Variants in FRAS1 observed in about 807,000 individuals in gnomAD.
FRAS1 encodes extracellular matrix organizing protein FRAS1.
A neutral mutation model predicts 435.2 loss-of-function variants in FRAS1; 290 were observed. The observed-to-expected ratio is 0.67, with a 90% CI of 0.61 to 0.73. The LOEUF (loss-of-function observed/expected upper bound fraction) is 0.73, where lower values mean the gene tolerates loss of function less well. Among genes scored for constraint, FRAS1 ranks in the 30% least tolerant of loss-of-function variants. The probability of loss-of-function intolerance (pLI) is 0.00; values close to 1 mark genes in which losing one functional copy is unlikely to be tolerated. For missense variants in FRAS1, 4,860 were observed against 5,001.5 expected (o/e 0.97, Z 0.85); for synonymous variants, 1,800 against 1,851.0 (o/e 0.97, Z 0.71).
At chr4:78,059,174 G>C (rs1301947974) in intron 1 of FRAS1, among the ~76,000 whole-genome samples, 3 of 152,180 alleles carry the variant, frequency 2.0e-5, no homozygotes, top group Non-Finnish European at 2.9e-5. Context: ...GAAGGGGCGC[G>C]GGGCGGCTCC....
At chr4:78,153,401 T>A (rs1720755970) in intron 2 of FRAS1, among the ~76,000 whole-genome samples, 1 of 152,170 alleles carries the variant, frequency 6.6e-6, no homozygotes, top group African/African-American at 2.4e-5. Context: ...CTTCTGAAAC[T>A]AACAAGATTT....
chr4:78,534,969 A>G (rs1439052791), intron 71 of FRAS1, among the ~76,000 whole-genome samples: 1 of 152,198 alleles, frequency 6.6e-6, no homozygotes. Context: ...AACGATGCCA[A>G]ACATGTGTGT....
At position 78,534,603 on chromosome 4, in the gene FRAS1, G is replaced by A. The variant is rs1281640393; in HGVS notation, c.11080G>A (p.Ala3694Thr). Reference sequence around the variant, plus strand: ...ACTAGCAGAAATGGATTACAAAGGAGCCTTTTCAAAAGGTGAGTTGCTTCC... The same window carrying A: ...ACTAGCAGAAATGGATTACAAAGGAACCTTTTCAAAAGGTGAGTTGCTTCC... ...MSLAEMDYKGAFSKGQILYGR... is the reference protein window; with the variant it reads ...MSLAEMDYKGTFSKGQILYGR... The change falls in exon 71 of 74, where the codon GCC becomes ACC. Residue 3694 changes from alanine to threonine, a missense_variant. Ala to Thr is a moderately conservative substitution (Grantham distance 58, BLOSUM62 0). Transcript: ENST00000512123. The A allele has an allele frequency of 6.2e-7, 1 of 1,612,802 alleles. No individual in the cohort carries two copies. Among genetic ancestry groups the A allele is most frequent in the East Asian group, 2.2e-5 (1 of 44,832 alleles).
intron 20 of FRAS1, among the ~76,000 whole-genome samples, chr4:78,360,010 A>C (rs1019915669): frequency 1.3e-5 from 2 of 152,188 alleles, no homozygotes; most frequent in Non-Finnish European, 2.9e-5. Flanking sequence ...CTGTGTACCC[A>C]AATCTGCCAA....
intron 53 of FRAS1, among the ~76,000 whole-genome samples, chr4:78,474,837 T>A (rs1719810837): frequency 6.6e-6 from 1 of 152,236 alleles, no homozygotes; most frequent in Non-Finnish European, 1.5e-5. Context: ...AGCATATGAA[T>A]AGTTGGCCTT....
In FRAS1 at chr4:78,386,905, A is replaced by C. The variant is rs542038318; in HGVS notation, c.3649-470A>C. 3.3e-5 allele frequency among the ~76,000 whole-genome samples: 5 copies of C among 152,286 alleles called. No individual in the cohort carries two copies. In the East Asian group the frequency reaches 9.6e-4, roughly 29 times the overall value. On this transcript the variant is annotated intron_variant, in intron 28 of 73. Coordinates refer to ENST00000512123, the MANE Select transcript of FRAS1 (RefSeq NM_025074.7). ...GGGGTGGGGCTCTGTCAAGATTTGG[A>C]TGAGAAAACTGAAGAAAATTACTGG...
At chr4:78,286,819 T>C (rs567966359) in intron 14 of FRAS1, among the ~76,000 whole-genome samples, 1 of 152,348 alleles carries the variant, frequency 6.6e-6, no homozygotes, top group East Asian at 1.9e-4. Flanking sequence ...GAGATCTAGT[T>C]GAAATTCTTA....
chr4:78,440,550 G>C (rs773883717), intron 40 of FRAS1, among the ~76,000 whole-genome samples: 24 of 152,202 alleles, frequency 1.6e-4, no homozygotes, highest in South Asian at 4.2e-4. Context: ...TCAGATTGTG[G>C]GGTTAGCATA....
chr4:78,383,292 T>C (rs906311721), intron 27 of FRAS1, among the ~76,000 whole-genome samples: 4 of 152,154 alleles, frequency 2.6e-5, no homozygotes, highest in African/African-American at 7.2e-5. Context: ...CCAAGGGCAA[T>C]TGTGCTCCAG....
intron 2 of FRAS1, among the ~76,000 whole-genome samples, chr4:78,187,165 C>G (rs542681174): frequency 1.5e-4 from 23 of 152,136 alleles, no homozygotes; most frequent in Non-Finnish European, 3.4e-4. Context: ...AGCTGCAAAG[C>G]TACTTGTATG....
intron 2 of FRAS1, among the ~76,000 whole-genome samples, chr4:78,093,218 T>G (rs1741622598): frequency 6.6e-6 from 1 of 152,214 alleles, no homozygotes; most frequent in African/African-American, 2.4e-5. Flanking sequence ...GAATTCAAGA[T>G]ATGTTAAAGT....
chr4:78,405,103 G>A (rs1733049517), intron 30 of FRAS1, among the ~76,000 whole-genome samples: 1 of 152,140 alleles, frequency 6.6e-6, no homozygotes, highest in Admixed American at 6.5e-5. Context: ...AATGGGATTA[G>A]CAAATATCTT....
intron 2 of FRAS1, among the ~76,000 whole-genome samples, chr4:78,227,976 C>T (rs1724345615): frequency 6.6e-6 from 1 of 152,136 alleles, no homozygotes; most frequent in Non-Finnish European, 1.5e-5. Flanking sequence ...ATGTTTTAGT[C>T]ACTACAAGAA....
chr4:78,527,378 C>T (rs1189481992), intron 70 of FRAS1, among the ~76,000 whole-genome samples: 1 of 152,044 alleles, frequency 6.6e-6, no homozygotes, highest in East Asian at 1.9e-4. Flanking sequence ...GTGTTTTGCT[C>T]AGGTCAAGGC....
At chr4:78,124,397 G>A (rs1162866654) in intron 2 of FRAS1, among the ~76,000 whole-genome samples, 1 of 152,158 alleles carries the variant, frequency 6.6e-6, no homozygotes, top group Admixed American at 6.5e-5. Context: ...GACAATTTTT[G>A]CATCGATGTT....
At chr4:78,230,555 T>C (rs1392176258) in intron 2 of FRAS1, among the ~76,000 whole-genome samples, 2 of 152,222 alleles carry the variant, frequency 1.3e-5, no homozygotes, top group Non-Finnish European at 2.9e-5. Flanking sequence ...CGTTTCTTCA[T>C]GGTTCCCTGA....
chr4:78,400,634 A>T, intron 29 of FRAS1, 100 bp from the exon 30 acceptor site: 1 of 1,182,268 alleles, frequency 8.5e-7, no homozygotes, highest in East Asian at 2.5e-5. Flanking sequence ...GTCTTATTAG[A>T]CGATCTTTAA....
intron 22 of FRAS1, among the ~76,000 whole-genome samples, chr4:78,366,242 T>C (rs12641891): frequency 0.17 from 25,389 of 152,148 alleles, 2,722 homozygotes; most frequent in East Asian, 0.33. Flanking sequence ...AGAGATGATA[T>C]GTAAGGTTCT....
intron 2 of FRAS1, among the ~76,000 whole-genome samples, chr4:78,185,976 C>T (rs1722251638): frequency 6.6e-6 from 1 of 152,160 alleles, no homozygotes; most frequent in Admixed American, 6.5e-5. Context: ...CTTTCTTGTG[C>T]CTCATGACTC....
Sources: gnomAD v4.1 joint callset for allele counts (sites outside exome capture counted in the v4.1 genomes callset) on GRCh38, gnomAD v4.1.1 for gene constraint, MANE v1.5 for transcripts, NCBI Gene and HGNC (gene_info 2026-07-23, HGNC 2026-07-21) for gene names.